GPR158: variants seen among roughly 807,000 people sequenced by gnomAD.
GPR158 encodes the protein metabotropic glycine receptor.
In GPR158, 30 loss-of-function variants were observed where a neutral mutation model predicts 78.2. That is an observed-to-expected ratio of 0.38 (90% CI 0.29 to 0.52). The LOEUF (loss-of-function observed/expected upper bound fraction) is 0.52, where lower values mean the gene tolerates loss of function less well. GPR158 is among the 20% of genes least tolerant of loss of function. The pLI, the probability that GPR158 is intolerant of heterozygous loss-of-function variation, is 0.83. For missense variants in GPR158, 1,463 were observed against 1,523.5 expected (o/e 0.96, Z 0.66); for synonymous variants, 581 against 591.1 (o/e 0.98, Z 0.25).
chr10:25,308,900 C>G (rs1402398778), intron 2 of GPR158, among the ~76,000 whole-genome samples: 1 of 152,126 alleles, frequency 6.6e-6, no homozygotes, highest in African/African-American at 2.4e-5. Context: ...CTTTTAAAGG[C>G]TGGATAATAT....
intron 2 of GPR158, among the ~76,000 whole-genome samples, chr10:25,252,289 C>A (rs1301828574): frequency 6.6e-6 from 1 of 151,482 alleles, no homozygotes; most frequent in Non-Finnish European, 1.5e-5. Flanking sequence ...GTAATTTGAT[C>A]GTCTGAAGCC....
intron 2 of GPR158, chr10:25,244,885 A>T (rs1469781650): frequency 6.6e-6 from 1 of 151,404 alleles, no homozygotes; most frequent in South Asian, 2.1e-4. Context: ...CTTGGTACTT[A>T]ACCTCTTTTC....
intron 2 of GPR158, among the ~76,000 whole-genome samples, chr10:25,297,285 T>C (rs1442361993): frequency 1.3e-5 from 2 of 152,232 alleles, no homozygotes. Flanking sequence ...GTGAGAAGTT[T>C]GGTCCAGGAG....
intron 5 of GPR158, among the ~76,000 whole-genome samples, chr10:25,471,546 C>T (rs754935356): frequency 2.6e-5 from 4 of 152,154 alleles, no homozygotes; most frequent in East Asian, 1.9e-4. Flanking sequence ...CACTGTCTTC[C>T]ACAATGGTTG....
chr10:25,431,010 A>G (rs1834895389), intron 4 of GPR158, among the ~76,000 whole-genome samples: 1 of 145,772 alleles, frequency 6.9e-6, no homozygotes, highest in Admixed American at 6.9e-5. Context: ...AAATTGACAA[A>G]TGGGATCTAA....
At chr10:25,430,956 G>A (rs1238491001) in intron 4 of GPR158, among the ~76,000 whole-genome samples, 1 of 147,196 alleles carries the variant, frequency 6.8e-6, no homozygotes, top group Non-Finnish European at 1.5e-5. Context: ...GCATGGGCAA[G>A]GACTTCACGT....
In GPR158 at chr10:25,176,161, C is replaced by T. The variant is rs1318259636; in HGVS notation, c.741C>T (p.Gly247=). The part of the protein sequence containing the change: ...RGPNQGPRGL[G]HSWRRKDGLG... ...CCAATCAGGGGCCCCGGGGCCTGGG[C>T]CACAGCTGGCGGCGCAAGGACGGGC... Residue 247 remains glycine (G), a synonymous_variant, in exon 1 of 11, where the codon GGC becomes GGT. Transcript: ENST00000376351. The surrounding 1 kb of genome is among the most constrained non-coding windows in gnomAD (Gnocchi z 6.3). 1 of 1,576,458 alleles carries T rather than the reference C, an allele frequency of 6.3e-7. No homozygotes were observed. The highest frequency in any genetic ancestry group is 2.3e-5 in the East Asian group (1 of 43,702).
chr10:25,475,438 G>C (rs1272504689), intron 5 of GPR158: 1 of 152,046 alleles, frequency 6.6e-6, no homozygotes, highest in East Asian at 1.9e-4. Context: ...TAGGGCTTAT[G>C]CTTTGAAGAT....
At chr10:25,330,635 A>G (rs755523994) in intron 2 of GPR158, among the ~76,000 whole-genome samples, 1 of 152,218 alleles carries the variant, frequency 6.6e-6, no homozygotes, top group Non-Finnish European at 1.5e-5. Context: ...GGATTGAATT[A>G]TACTTTCTTC....
chr10:25,370,626 G>GA (rs1833973737), intron 2 of GPR158, among the ~76,000 whole-genome samples: 1 of 148,088 alleles, frequency 6.8e-6, no homozygotes, highest in South Asian at 2.2e-4. Flanking sequence ...GTGTGGTGCT[G>GA]AAAAAAATGT....
chr10:25,366,144 T>A (rs1488601531), intron 2 of GPR158, among the ~76,000 whole-genome samples: 1 of 151,632 alleles, frequency 6.6e-6, no homozygotes, highest in Non-Finnish European at 1.5e-5. Flanking sequence ...TTTGTTTTTG[T>A]TTTTGTTTTT....
chr10:25,368,485 A>G (rs1833933659), intron 2 of GPR158, among the ~76,000 whole-genome samples: 1 of 151,878 alleles, frequency 6.6e-6, no homozygotes. Context: ...TATGGAAAAA[A>G]TCTCAATATC....
intron 1 of GPR158, among the ~76,000 whole-genome samples, chr10:25,177,804 T>G (rs1469767514): frequency 6.6e-6 from 1 of 152,200 alleles, no homozygotes; most frequent in Non-Finnish European, 1.5e-5. Context: ...TAAGTGCATG[T>G]GTGTGTGTCT....
intron 2 of GPR158, among the ~76,000 whole-genome samples, chr10:25,290,848 C>G (rs1854425006): frequency 6.6e-6 from 1 of 151,932 alleles, no homozygotes; most frequent in Non-Finnish European, 1.5e-5. Context: ...CTAAGCTTAA[C>G]CAAATCAAAT....
At chr10:25,587,969 A>G (rs190349857) in intron 7 of GPR158, among the ~76,000 whole-genome samples, 39 of 151,326 alleles carry the variant, frequency 2.6e-4, no homozygotes, top group African/African-American at 9.3e-4. Context: ...TCTCCAAATT[A>G]GAACTTTCTT....
intron 2 of GPR158, among the ~76,000 whole-genome samples, chr10:25,281,802 T>C (rs748998551): frequency 1.6e-4 from 25 of 152,072 alleles, no homozygotes; most frequent in Non-Finnish European, 3.4e-4. Flanking sequence ...ACATGCAATA[T>C]AGAGGATCAA....
At chr10:25,263,734 C>T (rs751182477) in intron 2 of GPR158, among the ~76,000 whole-genome samples, 5 of 151,944 alleles carry the variant, frequency 3.3e-5, no homozygotes, top group South Asian at 4.2e-4. Flanking sequence ...GTCAAGAGTT[C>T]GAGACCAGCC....
At chr10:25,572,490 G>A (rs1029314577) in intron 6 of GPR158, among the ~76,000 whole-genome samples, 159 bp from the exon 7 acceptor site, 33 of 152,120 alleles carry the variant, frequency 2.2e-4, no homozygotes, top group African/African-American at 7.0e-4. Context: ...GCAACATAGC[G>A]AGACCCTGTC....
chr10:25,574,259 G>A (rs912580829), intron 7 of GPR158, among the ~76,000 whole-genome samples: 2 of 149,464 alleles, frequency 1.3e-5, no homozygotes, highest in African/African-American at 4.9e-5. Context: ...AGATGCATTT[G>A]AGACCTTTAA....
Sources: allele counts gnomAD v4.1 joint callset (sites outside exome capture counted in the v4.1 genomes callset), GRCh38; gene constraint gnomAD v4.1.1; non-coding constraint Gnocchi (gnomAD v3.1); transcripts MANE v1.5; gene names NCBI Gene and HGNC (gene_info 2026-07-23, HGNC 2026-07-21).